LHFPL3: variants seen among roughly 807,000 people sequenced by gnomAD.
LHFPL3 encodes LHFPL tetraspan subfamily member 3 protein.
A neutral mutation model predicts 19.3 loss-of-function variants in LHFPL3; 5 were observed. The observed-to-expected ratio is 0.26, with a 90% CI of 0.14 to 0.54. LHFPL3 has a LOEUF of 0.54. LHFPL3 is among the 20% of genes least tolerant of loss of function. The pLI is 0.94. For synonymous variants in LHFPL3, 133 were observed against 126.2 expected, an observed-to-expected ratio of 1.05 and a Z score of -0.36; for missense variants, 249 against 307.4, an observed-to-expected ratio of 0.81 and a Z score of 1.42.
At chr7:104,885,367 C>A (rs1792128034) in intron 2 of LHFPL3, among the ~76,000 whole-genome samples, 3 of 152,154 alleles carry the variant, frequency 2.0e-5, no homozygotes, top group African/African-American at 7.2e-5. Flanking sequence ...CCAGTTCCAA[C>A]CTCTCCCTTG....
At chr7:104,692,627 G>T (rs942439389) in intron 1 of LHFPL3, among the ~76,000 whole-genome samples, 1 of 152,232 alleles carries the variant, frequency 6.6e-6, no homozygotes, top group Non-Finnish European at 1.5e-5. Context: ...GCTTCAGAGG[G>T]TGCAAGCCCC....
At chr7:104,404,752 C>T (rs1396245212) in intron 1 of LHFPL3, among the ~76,000 whole-genome samples, 1 of 152,098 alleles carries the variant, frequency 6.6e-6, no homozygotes, top group Non-Finnish European at 1.5e-5. Flanking sequence ...TTGGTGGTAC[C>T]TTTCTTGCTA....
intron 1 of LHFPL3, among the ~76,000 whole-genome samples, chr7:104,407,347 A>C (rs553592802): frequency 1.3e-5 from 2 of 152,310 alleles, no homozygotes; most frequent in East Asian, 3.9e-4. Context: ...GGTCTAATGA[A>C]GGAAAATAAC....
At chr7:104,635,416 G>A (rs770590628) in intron 1 of LHFPL3, among the ~76,000 whole-genome samples, 13 of 152,090 alleles carry the variant, frequency 8.5e-5, no homozygotes, top group Non-Finnish European at 1.8e-4. Context: ...TGAGAGGACT[G>A]GAAAAGCTTC....
chr7:104,508,367 C>T (rs929586004), intron 1 of LHFPL3, among the ~76,000 whole-genome samples: 4 of 148,984 alleles, frequency 2.7e-5, no homozygotes, highest in Admixed American at 6.7e-5. Context: ...GAACAAAAAA[C>T]CAAACACCGC....
chr7:104,544,951 G>T (rs983947271), intron 1 of LHFPL3, among the ~76,000 whole-genome samples: 2 of 149,526 alleles, frequency 1.3e-5, no homozygotes, highest in Non-Finnish European at 3.0e-5. Context: ...AGGATTTTTG[G>T]ATTAGGTGCA....
At chr7:104,785,982 G>T (rs774923285) in intron 2 of LHFPL3, among the ~76,000 whole-genome samples, 1 of 152,050 alleles carries the variant, frequency 6.6e-6, no homozygotes, top group South Asian at 2.1e-4. Context: ...AAACACACTT[G>T]CCCTCTGCAC....
At chr7:104,439,099 A>G (rs1251461022) in intron 1 of LHFPL3, among the ~76,000 whole-genome samples, 1 of 152,214 alleles carries the variant, frequency 6.6e-6, no homozygotes, top group Non-Finnish European at 1.5e-5. Flanking sequence ...ATTAACAACA[A>G]TTCCCTTACA....
chr7:104,361,564 AC>A (rs1397045767), intron 1 of LHFPL3, among the ~76,000 whole-genome samples: 3 of 152,282 alleles, frequency 2.0e-5, no homozygotes, highest in South Asian at 2.1e-4. Context: ...TTTGTGAGCC[AC>A]CCTTGGGATT....
chr7:104,678,163 T>C (rs1346732843), intron 1 of LHFPL3, among the ~76,000 whole-genome samples: 1 of 152,256 alleles, frequency 6.6e-6, no homozygotes, highest in Non-Finnish European at 1.5e-5. Flanking sequence ...AGATAAACTG[T>C]GTCAAGTTCT....
rs559619222 is a variant in LHFPL3 at position 104,662,114 on chromosome 7, A to T, written c.446-74561A>T. Among the ~76,000 whole-genome samples, 27 of 152,288 alleles carry T rather than the reference A, an allele frequency of 1.8e-4. No individual in the cohort carries two copies. The South Asian group carries it at 5.6e-3, about 32-fold the overall frequency. ...ACAGTTTAAAACTTATTAATTGTTTATTTCTTGAATGTTTTATTTAATATT... is the reference window on the plus strand; with the variant it reads ...ACAGTTTAAAACTTATTAATTGTTTTTTTCTTGAATGTTTTATTTAATATT... On this transcript the variant is annotated intron_variant, in intron 1 of 2. Transcript: ENST00000424859.
chr7:104,332,291 G>A (rs1383049705), intron 1 of LHFPL3, among the ~76,000 whole-genome samples: 1 of 132,920 alleles, frequency 7.5e-6, no homozygotes, highest in Non-Finnish European at 1.5e-5. Flanking sequence ...GTGCAGTGGT[G>A]TGATCTCGGC....
intron 1 of LHFPL3, chr7:104,623,026 T>C (rs930687772): frequency 1.6e-5 from 6 of 377,668 alleles, no homozygotes; most frequent in Admixed American, 7.9e-5. Flanking sequence ...ATTTCCCTGA[T>C]GGCTAATGAT....
intron 1 of LHFPL3, among the ~76,000 whole-genome samples, chr7:104,665,895 C>CT (rs1792325343): frequency 6.6e-6 from 1 of 152,192 alleles, no homozygotes; most frequent in Admixed American, 6.5e-5. Context: ...TCTCCTGCTG[C>CT]TCATCTCTTC....
At chr7:104,673,930 T>A (rs961020119) in intron 1 of LHFPL3, among the ~76,000 whole-genome samples, 1 of 152,216 alleles carries the variant, frequency 6.6e-6, no homozygotes, top group African/African-American at 2.4e-5. Context: ...CAAATGATAC[T>A]GCTTGACCCA....
intron 1 of LHFPL3, among the ~76,000 whole-genome samples, chr7:104,590,685 A>G (rs990026303): frequency 2.0e-5 from 3 of 152,098 alleles, no homozygotes; most frequent in Non-Finnish European, 4.4e-5. Flanking sequence ...TTTCTGTCTC[A>G]TTGATCTGTC....
chr7:104,524,718 A>G lies in LHFPL3; in HGVS notation c.445+195494A>G, dbSNP rs190034908. On this transcript the variant is annotated intron_variant, in intron 1 of 2. Transcript: ENST00000424859. ...TACGATGCTACTTTGAATTTTGAAT[A>G]AAGACCAGGAAAAATGGAAATGCTT... Among the ~76,000 whole-genome samples, 53 of 152,316 alleles carry G rather than the reference A, an allele frequency of 3.5e-4. No homozygotes were observed. In the East Asian group the frequency reaches 9.8e-3, roughly 28 times the overall value.
rs148133811 is a variant in LHFPL3 at position 104,360,226 on chromosome 7, C to T, written c.445+31002C>T. Among the ~76,000 whole-genome samples the T allele has an allele frequency of 3.5e-3, 526 of 152,312 alleles. 3 individuals are homozygous for T. Among genetic ancestry groups the T allele is most frequent in the African/African-American group, 0.012 (503 of 41,576 alleles). On this transcript the variant is annotated intron_variant, in intron 1 of 2. Coordinates refer to ENST00000424859, the MANE Select transcript of LHFPL3 (RefSeq NM_199000.3). ...AATGGCAAGTAATTCACTTGAAGAG[C>T]TCCTCTTCTCTCCAAAAACACAGCT...
intron 2 of LHFPL3, among the ~76,000 whole-genome samples, chr7:104,766,242 T>C (rs1340908604): frequency 6.6e-6 from 1 of 152,188 alleles, no homozygotes; most frequent in Non-Finnish European, 1.5e-5. Context: ...AGTGGAATGA[T>C]CAAAAACTAA....
Sources: allele counts gnomAD v4.1 joint callset (sites outside exome capture counted in the v4.1 genomes callset), GRCh38; gene constraint gnomAD v4.1.1; transcripts MANE v1.5; gene names NCBI Gene and HGNC (gene_info 2026-07-23, HGNC 2026-07-21).